MAOB: variants seen among roughly 807,000 people sequenced by gnomAD.
The protein encoded by MAOB is monoamine oxidase B.
Under a neutral mutation model 41.9 loss-of-function variants are expected in MAOB, and 15 were observed. The ratio of observed to expected loss-of-function variants is 0.36; its 90% confidence interval spans 0.24 to 0.55. The LOEUF (loss-of-function observed/expected upper bound fraction) is 0.55. Among genes scored for constraint, MAOB ranks in the 20% least tolerant of loss-of-function variants. The pLI, the probability that MAOB is intolerant of heterozygous loss-of-function variation, is 0.86. For missense variants in MAOB, 345 were observed against 398.7 expected, an observed-to-expected ratio of 0.87 and a Z score of 1.15; for synonymous variants, 167 against 144.2, an observed-to-expected ratio of 1.16 and a Z score of -1.13.
At chrX:43,838,524 T>C (rs1021396965) in intron 3 of MAOB, among the ~76,000 whole-genome samples, 6 of 112,611 alleles carry the variant, frequency 5.3e-5, no homozygotes, top group Non-Finnish European at 1.1e-4. Flanking sequence ...TAGGGCAGCA[T>C]TTTAAAAACT....
rs764570670 is a variant in MAOB at position 43,774,951 on chromosome X, A to T, written c.1235+224T>A. 1.4e-4 allele frequency among the ~76,000 whole-genome samples: 15 copies of T among 110,887 alleles called. No homozygotes were observed. In the South Asian group the frequency reaches 3.1e-3, roughly 23 times the overall value. On this transcript the variant is annotated intron_variant, in intron 12 of 14. Transcript: ENST00000378069. ...ACCTTCTATGGTTATATTGATTGGA[A>T]TTGCTCTTCCAGGGAAAAGCAGCAC... is the stretch of plus-strand genomic sequence containing the variant.
chrX:43,833,556 A>G (rs1451040521), intron 3 of MAOB, among the ~76,000 whole-genome samples: 1 of 111,619 alleles, frequency 9.0e-6, no homozygotes, highest in Admixed American at 9.6e-5. Flanking sequence ...CCTTTGGACT[A>G]CTTGGCCATA....
rs183583975 is a variant in MAOB at position 43,777,762 on chromosome X, C to A, written c.1137+920G>T. On this transcript the variant is annotated intron_variant, in intron 11 of 14. Transcript: ENST00000378069. ...CTCAGCCTCCTCATTAGACTTTTCT[C>A]ACGCATTAACTGCTCATTTGTACAT... 2.3e-3 allele frequency among the ~76,000 whole-genome samples: 257 copies of A among 112,218 alleles called. 3 individuals are homozygous for A. The Middle Eastern group carries it at 0.023, about 10-fold the overall frequency.
At position 43,787,501 on chromosome X, in the gene MAOB, C is replaced by G. The variant is rs778631408; in HGVS notation, c.928+5918G>C. ...TGCTTTCCAAAGTGGGGGTGTACAC[C>G]TAGATTGCACATCTAGATAGTGGAA... On this transcript the variant is annotated intron_variant, in intron 8 of 14. Transcript: ENST00000378069. Among the ~76,000 whole-genome samples, 3 of 111,911 alleles carry G rather than the reference C, an allele frequency of 2.7e-5. No individual in the cohort carries two copies. In the East Asian group the frequency reaches 8.4e-4, roughly 31 times the overall value.
chrX:43,865,562 G>A (rs2035359282), intron 1 of MAOB, among the ~76,000 whole-genome samples: 1 of 111,643 alleles, frequency 9.0e-6, no homozygotes, highest in African/African-American at 3.3e-5. Flanking sequence ...AATTGTATGT[G>A]AATAATATCT....
At chrX:43,809,327 G>A (rs776454769) in intron 3 of MAOB, among the ~76,000 whole-genome samples, 2 of 112,334 alleles carry the variant, frequency 1.8e-5, no homozygotes, top group Non-Finnish European at 3.8e-5. Context: ...CTAGAAAGGA[G>A]GTTTGCTCAA....
intron 11 of MAOB, among the ~76,000 whole-genome samples, chrX:43,778,141 C>T (rs2034282531): frequency 9.0e-6 from 1 of 111,362 alleles, no homozygotes; most frequent in Admixed American, 9.6e-5. Context: ...TTACATCTCT[C>T]ATGTTCAAGG....
intron 1 of MAOB, among the ~76,000 whole-genome samples, chrX:43,859,022 T>C (rs1485833062): frequency 1.8e-5 from 2 of 111,573 alleles, no homozygotes; most frequent in Non-Finnish European, 3.8e-5. Context: ...TCATTCTAGA[T>C]AGATCTCAGT....
chrX:43,847,514 G>A (rs1180662760), intron 1 of MAOB, among the ~76,000 whole-genome samples: 1 of 111,291 alleles, frequency 9.0e-6, no homozygotes, highest in Non-Finnish European at 1.9e-5. Context: ...GCAGCTTAGA[G>A]ACATTCAGTG....
chrX:43,791,155 CA>C (rs1345962876), intron 8 of MAOB, among the ~76,000 whole-genome samples: 20 of 111,849 alleles, frequency 1.8e-4, no homozygotes, highest in African/African-American at 5.5e-4. Flanking sequence ...ACTGATGCAC[CA>C]ATCCAATAGC....
intron 1 of MAOB, among the ~76,000 whole-genome samples, chrX:43,845,847 GA>G (rs750802178): frequency 7.1e-5 from 8 of 111,914 alleles, no homozygotes; most frequent in Non-Finnish European, 1.3e-4. Context: ...CTTAAAGGAG[GA>G]ATTCCCATTT....
In MAOB at chrX:43,829,050, T is replaced by C. The variant is rs2034985707; in HGVS notation, c.279+9818A>G. On this transcript the variant is annotated intron_variant, in intron 3 of 14. Coordinates refer to ENST00000378069, the MANE Select transcript of MAOB (RefSeq NM_000898.5). ...AGCCTAAATTATAGGTAACTATGAATTGTGATTTTTCTCATGGTTTGCACA... is the reference window on the plus strand; with the variant it reads ...AGCCTAAATTATAGGTAACTATGAACTGTGATTTTTCTCATGGTTTGCACA... Among the ~76,000 whole-genome samples, 4 of 111,791 alleles carry C rather than the reference T, an allele frequency of 3.6e-5. No individual in the cohort carries two copies. In the Admixed American group the frequency reaches 3.8e-4, roughly 11 times the overall value.
At chrX:43,853,760 G>A (rs951834748) in intron 1 of MAOB, among the ~76,000 whole-genome samples, 4 of 111,310 alleles carry the variant, frequency 3.6e-5, no homozygotes, top group Non-Finnish European at 7.5e-5. Context: ...AAGCCAAGAG[G>A]CACTAAAGAT....
chrX:43,840,951 C>T (rs762439573), intron 2 of MAOB, among the ~76,000 whole-genome samples: 49 of 106,374 alleles, frequency 4.6e-4, no homozygotes, highest in Middle Eastern at 4.8e-3. Flanking sequence ...GGGACAGAAC[C>T]GTTCACTCCC....
At chrX:43,777,897 T>A (rs1190940800) in intron 11 of MAOB, among the ~76,000 whole-genome samples, 1 of 111,923 alleles carries the variant, frequency 8.9e-6, no homozygotes, top group Non-Finnish European at 1.9e-5. Context: ...CTGATGAATG[T>A]CATGAGAACA....
At chrX:43,853,276 AAAAAAAAAAAAAAG>A (rs1173069824) in intron 1 of MAOB, among the ~76,000 whole-genome samples, 1 of 108,554 alleles carries the variant, frequency 9.2e-6, no homozygotes, top group African/African-American at 3.3e-5. Context: ...TCAAAAAAAA[AAAAAAAAAAAAAAG>A]AAAAGAAAAC....
intron 6 of MAOB, among the ~76,000 whole-genome samples, 191 bp downstream of exon 6, chrX:43,796,934 T>G (rs180936345): frequency 1.8e-5 from 2 of 111,850 alleles, no homozygotes; most frequent in Non-Finnish European, 3.8e-5. Flanking sequence ...TAAAATTACA[T>G]TGGACACTGG....
chrX:43,870,659 G>A (rs1355762842), intron 1 of MAOB, among the ~76,000 whole-genome samples: 1 of 108,369 alleles, frequency 9.2e-6, no homozygotes, highest in Non-Finnish European at 1.9e-5. Context: ...GCCAGGCATG[G>A]TGGTGGGCAC....
chrX:43,767,408 C>T lies in MAOB; in HGVS notation c.*58G>A, dbSNP rs776631612. 5 of 1,116,895 alleles carry T rather than the reference C, an allele frequency of 4.5e-6. No individual in the cohort carries two copies. The East Asian group carries it at 1.2e-4, about 27-fold the overall frequency. The allele number at this position is 1,116,895 out of a possible 1,213,427, so 92.0% of individuals were successfully genotyped here. ...ATGGAACTTTACTGCAACTCTTTCC[C>T]CAAACTCATATCCCAAATACAGTAA... On this transcript the variant is annotated 3_prime_UTR_variant, in exon 15 of 15. Transcript: ENST00000378069.
Sources: gnomAD v4.1 joint callset for allele counts (sites outside exome capture counted in the v4.1 genomes callset) on GRCh38, gnomAD v4.1.1 for gene constraint, MANE v1.5 for transcripts, NCBI Gene and HGNC (gene_info 2026-07-23, HGNC 2026-07-21) for gene names.